The following KLHL1 variants were observed in gnomAD, a reference collection of about 807,000 sequenced individuals.
KLHL1 encodes the protein kelch-like protein 1.
KLHL1 carries 47 observed loss-of-function variants against 77.7 expected under a neutral mutation model. The ratio of observed to expected loss-of-function variants is 0.60; its 90% CI spans 0.48 to 0.77. KLHL1 has a LOEUF of 0.77. KLHL1 is among the 30% of genes least tolerant of loss of function. KLHL1 has a pLI of 0.00. For synonymous variants in KLHL1, 360 were observed against 325.2 expected (o/e 1.11, Z -1.15); for missense variants, 925 against 910.8 (o/e 1.02, Z -0.20).
chr13:70,047,238 C>T (rs1399469522), intron 1 of KLHL1, among the ~76,000 whole-genome samples: 1 of 149,068 alleles, frequency 6.7e-6, no homozygotes, highest in Non-Finnish European at 1.5e-5. Context: ...TTGGTTTGAC[C>T]AGCTTGATTT....
At chr13:70,043,701 G>T (rs1886430859) in intron 1 of KLHL1, among the ~76,000 whole-genome samples, 1 of 152,162 alleles carries the variant, frequency 6.6e-6, no homozygotes, top group Non-Finnish European at 1.5e-5. Flanking sequence ...ACAGGTTTGT[G>T]GCCTAGAAGC....
rs190554174 is a variant in KLHL1 at position 69,773,355 on chromosome 13, A to C, written c.1639+23383T>G. Among the ~76,000 whole-genome samples, 8 of 152,226 alleles carry C rather than the reference A, an allele frequency of 5.3e-5. No individual in the cohort carries two copies. In the East Asian group the frequency reaches 1.4e-3, roughly 26 times the overall value. On this transcript the variant is annotated intron_variant, in intron 7 of 10. Coordinates refer to ENST00000377844, the MANE Select transcript of KLHL1 (RefSeq NM_020866.3). The stretch of plus-strand genomic sequence containing the variant: ...TAGTCAGAAAGTCTGATCAAGCATC[A>C]GTACTCTGTGAATTCACTTTGCTCT...
intron 3 of KLHL1, among the ~76,000 whole-genome samples, chr13:69,946,091 C>A (rs553332449): frequency 6.6e-6 from 1 of 152,104 alleles, no homozygotes; most frequent in African/African-American, 2.4e-5. Flanking sequence ...AAAATAAACA[C>A]AGACTCTATG....
chr13:70,084,647 T>TTTTC lies in KLHL1; in HGVS notation c.497+22555_497+22556insGAAA, dbSNP rs1386041223. ...CTTTTTTTTTTTTTTTTTTTTTTTTTTGAATTTTTAGTAGAGACGGGGTTT... is the reference window on the plus strand; with the variant it reads ...CTTTTTTTTTTTTTTTTTTTTTTTTTTTTCTGAATTTTTAGTAGAGACGGGGTTT... On this transcript the variant is annotated intron_variant, in intron 1 of 10. Coordinates refer to ENST00000377844, the MANE Select transcript of KLHL1 (RefSeq NM_020866.3). Among the ~76,000 whole-genome samples the TTTTC allele has an allele frequency of 8.6e-4, 99 of 115,240 alleles. 3 individuals carry two copies. The highest frequency in any genetic ancestry group is 3.0e-3 in the African/African-American group (94 of 31,012). The allele number at this position is 115,240 out of a possible 152,430, so 75.6% of individuals were successfully genotyped here. A position where few individuals can be genotyped will look rare whatever the true frequency, so the allele number is the denominator to read the frequency against.
chr13:69,712,560 TACA>T (rs1431169117), intron 9 of KLHL1, among the ~76,000 whole-genome samples: 2 of 152,084 alleles, frequency 1.3e-5, no homozygotes, highest in Non-Finnish European at 2.9e-5. Flanking sequence ...GTATTGTTAC[TACA>T]ATGTCTAGTT....
intron 1 of KLHL1, among the ~76,000 whole-genome samples, chr13:70,051,221 A>G (rs1231098533): frequency 6.6e-6 from 1 of 152,036 alleles, no homozygotes; most frequent in Non-Finnish European, 1.5e-5. Flanking sequence ...AGATTTTATG[A>G]AATTTTATTT....
intron 5 of KLHL1, among the ~76,000 whole-genome samples, chr13:69,853,072 T>C (rs960563467): frequency 9.2e-5 from 14 of 151,960 alleles, no homozygotes; most frequent in African/African-American, 3.4e-4. Flanking sequence ...GCTGAGAAAA[T>C]TCCTGCTATA....
chr13:69,825,219 T>C (rs1435898359), intron 6 of KLHL1, among the ~76,000 whole-genome samples: 1 of 152,112 alleles, frequency 6.6e-6, no homozygotes, highest in Admixed American at 6.6e-5. Context: ...GTCAGGCTAC[T>C]GAGAAGCCAG....
chr13:69,967,495 C>T (rs886726684), intron 2 of KLHL1, among the ~76,000 whole-genome samples: 22 of 152,130 alleles, frequency 1.4e-4, no homozygotes, highest in Non-Finnish European at 2.1e-4. Context: ...TGAAGAGTTG[C>T]TTCTAATAGA....
At chr13:69,757,844 C>G (rs897497578) in intron 7 of KLHL1, among the ~76,000 whole-genome samples, 2 of 151,254 alleles carry the variant, frequency 1.3e-5, no homozygotes, top group Non-Finnish European at 2.9e-5. Flanking sequence ...GTAATCCCAG[C>G]TACTCAGGAG....
chr13:70,014,314 C>G (rs1885605044), intron 1 of KLHL1, among the ~76,000 whole-genome samples: 1 of 151,846 alleles, frequency 6.6e-6, no homozygotes, highest in African/African-American at 2.4e-5. Context: ...ATGATCTCTG[C>G]AGGGAAAAAA....
At chr13:69,900,163 A>G (rs1200292119) in intron 4 of KLHL1, among the ~76,000 whole-genome samples, 2 of 152,178 alleles carry the variant, frequency 1.3e-5, no homozygotes, top group African/African-American at 4.8e-5. Flanking sequence ...ATGCCCTTCA[A>G]TAACATCGAA....
intron 7 of KLHL1, among the ~76,000 whole-genome samples, chr13:69,767,074 G>A (rs968782450): frequency 6.6e-6 from 1 of 151,912 alleles, no homozygotes; most frequent in Non-Finnish European, 1.5e-5. Flanking sequence ...GAAAAGAAAC[G>A]AAAAAGATAC....
Position 70,076,387 on chromosome 13 carries a change from CT to C in KLHL1, c.497+30815del, listed in dbSNP as rs34821978. ...GGCATGCCAGTGAGGAAAGGATAAT[CT>C]TTTTTTTTTTTTTAATGGTTTTGGA... On this transcript the variant is annotated intron_variant, in intron 1 of 10. Coordinates refer to ENST00000377844, the MANE Select transcript of KLHL1 (RefSeq NM_020866.3). Among the ~76,000 whole-genome samples the C allele has an allele frequency of 1.5e-3, 207 of 139,838 alleles. 1 individual carries two copies. The highest frequency in any genetic ancestry group is 3.7e-3 in the Middle Eastern group (1 of 272). 91.7% of individuals were successfully genotyped at this position (139,838 alleles called of 152,430 possible).
intron 5 of KLHL1, among the ~76,000 whole-genome samples, chr13:69,875,282 AAGAG>A (rs1287331685): frequency 6.6e-6 from 1 of 152,116 alleles, no homozygotes; most frequent in Non-Finnish European, 1.5e-5. Flanking sequence ...GGAAAGGCAA[AAGAG>A]AGCTGGAATA....
chr13:69,852,728 C>T (rs574991812), intron 5 of KLHL1, among the ~76,000 whole-genome samples: 3 of 152,008 alleles, frequency 2.0e-5, no homozygotes, highest in East Asian at 1.9e-4. Context: ...AAGGTAGATG[C>T]ATCATGCAAG....
chr13:69,784,165 A>C (rs1434359170), intron 7 of KLHL1, among the ~76,000 whole-genome samples: 1 of 152,230 alleles, frequency 6.6e-6, no homozygotes, highest in East Asian at 1.9e-4. Flanking sequence ...GGCTTGCCCT[A>C]CAAGAGCTCC....
At chr13:69,799,105 AAG>A (rs1877261900) in intron 6 of KLHL1, among the ~76,000 whole-genome samples, 1 of 151,938 alleles carries the variant, frequency 6.6e-6, no homozygotes, top group South Asian at 2.1e-4. Flanking sequence ...AAAAAAAAAA[AAG>A]GTTTACACAG....
At chr13:69,834,900 T>C (rs1878923351) in intron 6 of KLHL1, among the ~76,000 whole-genome samples, 1 of 152,158 alleles carries the variant, frequency 6.6e-6, no homozygotes, top group South Asian at 2.1e-4. Flanking sequence ...TTGGTCAAAT[T>C]GTTAATGAAT....
Sources: allele counts gnomAD v4.1 joint callset (sites outside exome capture counted in the v4.1 genomes callset), GRCh38; gene constraint gnomAD v4.1.1; transcripts MANE v1.5; gene names NCBI Gene and HGNC (gene_info 2026-07-23, HGNC 2026-07-21).